ARHGAP28: variants seen among roughly 807,000 people sequenced by gnomAD.
The protein encoded by ARHGAP28 is Rho GTPase activating protein 28.
A neutral mutation model predicts 90.7 loss-of-function variants in ARHGAP28; 56 were observed. The observed-to-expected ratio is 0.62, with a 90% CI of 0.50 to 0.77. ARHGAP28 has a LOEUF of 0.77. Among genes scored for constraint, ARHGAP28 ranks in the 30% least tolerant of loss-of-function variants. ARHGAP28 has a pLI of 0.00. For synonymous variants in ARHGAP28, 308 were observed against 323.3 expected (o/e 0.95, Z 0.51); for missense variants, 869 against 900.9 (o/e 0.96, Z 0.45).
At chr18:6,878,740 T>C (rs955811080) in intron 10 of ARHGAP28, among the ~76,000 whole-genome samples, 1 of 152,184 alleles carries the variant, frequency 6.6e-6, no homozygotes, top group African/African-American at 2.4e-5. Flanking sequence ...GTAATCCAGA[T>C]GTTTTCATGG....
intron 1 of ARHGAP28, among the ~76,000 whole-genome samples, chr18:6,769,047 T>TG (rs1276083787): frequency 3.3e-5 from 5 of 152,190 alleles, no homozygotes; most frequent in Non-Finnish European, 7.3e-5. Flanking sequence ...ATAAATATTC[T>TG]GGGTGTTTCC....
chr18:6,803,255 T>G (rs1214391976), intron 1 of ARHGAP28, among the ~76,000 whole-genome samples: 3 of 152,176 alleles, frequency 2.0e-5, no homozygotes, highest in Non-Finnish European at 4.4e-5. Context: ...GGTAGTACCC[T>G]TCTATTCCTA....
chr18:6,872,319 C>T (rs541449228), intron 7 of ARHGAP28, among the ~76,000 whole-genome samples: 1 of 152,282 alleles, frequency 6.6e-6, no homozygotes, highest in Admixed American at 6.5e-5. Context: ...AGGACTTAGC[C>T]TCAGAAAGAA....
Position 6,908,981 on chromosome 18 carries a change from T to A in ARHGAP28, c.2052T>A (p.Ile684=), listed in dbSNP as rs781314519. 1.9e-5 allele frequency: 30 copies of A among 1,544,370 alleles called. No homozygotes were observed. In the African/African-American group the frequency reaches 3.8e-4, roughly 20 times the overall value. The change falls in exon 17 of 18, where the codon ATT becomes ATA. Residue 684 remains isoleucine (I), a synonymous_variant. Coordinates refer to ENST00000383472, the MANE Select transcript of ARHGAP28 (RefSeq NM_001366230.1). ...YENSHGSSEC[I]KIQNQRLYEI... is the part of the protein sequence containing the mutation. The stretch of plus-strand genomic sequence containing the variant: ...TCAGTCATGGTTCATCAGAATGTAT[T>A]AAGATTCAGAACCAAAGGTTATATG...
chr18:6,910,615 C>T (rs1459895687), intron 17 of ARHGAP28, among the ~76,000 whole-genome samples: 1 of 151,970 alleles, frequency 6.6e-6, no homozygotes, highest in Admixed American at 6.6e-5. Flanking sequence ...TTCCTCGCAC[C>T]CTCCCGAACA....
intron 1 of ARHGAP28, among the ~76,000 whole-genome samples, chr18:6,755,098 A>T (rs976059677): frequency 6.6e-6 from 1 of 152,164 alleles, no homozygotes; most frequent in African/African-American, 2.4e-5. Context: ...ACTTGAACCC[A>T]GGAGGCAGAG....
At position 6,729,808 on chromosome 18, in the gene ARHGAP28, A is replaced by G. The variant is rs756295199; in HGVS notation, c.-14A>G. The G allele has an allele frequency of 8.6e-6, 12 of 1,399,470 alleles. No homozygotes were observed. The South Asian group carries it at 1.7e-4, about 20-fold the overall frequency. The allele number at this position is 1,399,470 out of a possible 1,614,324, so 86.7% of individuals were successfully genotyped here. ...TTTGTTCTGGGGCCGGCGCCGAGAC[A>G]TGCGCGGCTGACGATGGAGGTGGAG... On this transcript the variant is annotated 5_prime_UTR_variant, in exon 1 of 18. The change abolishes an upstream ATG in the 5' untranslated region. Coordinates refer to ENST00000383472, the MANE Select transcript of ARHGAP28 (RefSeq NM_001366230.1).
chr18:6,781,323 T>G (rs2056322537), intron 1 of ARHGAP28, among the ~76,000 whole-genome samples: 1 of 152,094 alleles, frequency 6.6e-6, no homozygotes, highest in African/African-American at 2.4e-5. Context: ...GTCTCTGATA[T>G]GAGTTGAGCC....
At chr18:6,875,341 GT>G (rs2057122804) in intron 9 of ARHGAP28, among the ~76,000 whole-genome samples, 1 of 152,160 alleles carries the variant, frequency 6.6e-6, no homozygotes, top group Non-Finnish European at 1.5e-5. Flanking sequence ...CTAAATGTCT[GT>G]TTGCCTCCAT....
intron 1 of ARHGAP28, among the ~76,000 whole-genome samples, chr18:6,733,346 T>A (rs2055899171): frequency 6.6e-6 from 1 of 152,208 alleles, no homozygotes; most frequent in Non-Finnish European, 1.5e-5. Flanking sequence ...TGGGGCAGTC[T>A]GCTGTGGCAT....
At chr18:6,907,622 G>A (rs1303867873) in intron 16 of ARHGAP28, among the ~76,000 whole-genome samples, 2 of 152,172 alleles carry the variant, frequency 1.3e-5, no homozygotes, top group Non-Finnish European at 2.9e-5. Context: ...GTAGAATAGG[G>A]AAGTGCTGCT....
At chr18:6,908,720 G>A (rs1225424860) in intron 16 of ARHGAP28, among the ~76,000 whole-genome samples, 1 of 152,212 alleles carries the variant, frequency 6.6e-6, no homozygotes, top group Non-Finnish European at 1.5e-5. Flanking sequence ...GCTCTATGTA[G>A]TGGAGCACTG....
intron 14 of ARHGAP28, among the ~76,000 whole-genome samples, chr18:6,893,468 G>T (rs897452633): frequency 6.6e-6 from 1 of 152,202 alleles, no homozygotes; most frequent in Non-Finnish European, 1.5e-5. Context: ...GTTTTTGCCA[G>T]TTCATCCATT....
intron 1 of ARHGAP28, among the ~76,000 whole-genome samples, chr18:6,744,590 G>C (rs932362793): frequency 6.6e-6 from 1 of 151,932 alleles, no homozygotes; most frequent in African/African-American, 2.4e-5. Flanking sequence ...GATCTCTCAG[G>C]TACTTTTGCT....
At position 6,868,232 on chromosome 18, in the gene ARHGAP28, G is replaced by A. The variant is rs749678921; in HGVS notation, c.809G>A (p.Ser270Asn). The change falls in exon 6 of 18, where the codon AGT (serine) becomes AAT (asparagine). Residue 270 changes from serine (S) to asparagine (N), a missense_variant and splice_region_variant. Physicochemically the swap from Ser to Asn is conservative, Grantham distance 46 (BLOSUM62 1). Transcript: ENST00000383472. ...GGACAGCCAGTTCAGAATGCGATAA[G>A]TGGTGAGCGGCATGCCTCCTGTTGA... ...EPGQPVQNAISDDDFLEKNIP... is the reference protein window; with the variant it reads ...EPGQPVQNAINDDDFLEKNIP... 1.9e-6 allele frequency: 3 copies of A among 1,613,794 alleles called. No homozygotes were observed. Among genetic ancestry groups the A allele is most frequent in the East Asian group, 2.2e-5 (1 of 44,898 alleles).
At chr18:6,841,249 G>A (rs2056825004) in intron 3 of ARHGAP28, among the ~76,000 whole-genome samples, 1 of 110,606 alleles carries the variant, frequency 9.0e-6, no homozygotes, top group Non-Finnish European at 1.7e-5. Flanking sequence ...CACCAATTGT[G>A]TGTCTCCCTC....
intron 1 of ARHGAP28, among the ~76,000 whole-genome samples, chr18:6,739,931 C>T (rs961772314): frequency 1.3e-5 from 2 of 151,150 alleles, no homozygotes; most frequent in African/African-American, 2.4e-5. Flanking sequence ...GTTGGCTCAC[C>T]GCAACTTCCA....
Position 6,824,782 on chromosome 18 carries a change from G to A in ARHGAP28, c.143G>A (p.Arg48Gln), listed in dbSNP as rs761692539. The A allele has an allele frequency of 6.8e-5, 105 of 1,534,882 alleles. No homozygotes were observed. Among genetic ancestry groups the A allele is most frequent in the South Asian group, 1.8e-4 (15 of 83,686 alleles). The change falls in exon 2 of 18, where the codon CGA becomes CAA. Residue 48 changes from arginine (R) to glutamine (Q), a missense_variant. By Grantham distance (43) the Arg-to-Gln change is conservative. Coordinates refer to ENST00000383472, the MANE Select transcript of ARHGAP28 (RefSeq NM_001366230.1). ...PLSRKSIPRC[R>Q]RINRMLSNES... ...CTCAGAAAATCCATTCCTCGCTGCC[G>A]AAGAATTAACAGGATGCTCTCCAAT...
At chr18:6,737,942 G>A (rs551692619) in intron 1 of ARHGAP28, among the ~76,000 whole-genome samples, 1 of 152,290 alleles carries the variant, frequency 6.6e-6, no homozygotes, top group South Asian at 2.1e-4. Flanking sequence ...CAGGCAGTTA[G>A]TGCCATGTAA....
Sources: gnomAD v4.1 joint callset for allele counts (sites outside exome capture counted in the v4.1 genomes callset) on GRCh38, gnomAD v4.1.1 for gene constraint, MANE v1.5 for transcripts, NCBI Gene and HGNC (gene_info 2026-07-23, HGNC 2026-07-21) for gene names.